The following DLGAP1 variants were observed in gnomAD, a reference collection of about 807,000 sequenced individuals.
The protein encoded by DLGAP1 is DLG associated protein 1.
In DLGAP1, 11 loss-of-function variants were observed where a neutral mutation model predicts 90.8. The observed-to-expected ratio is 0.12, with a 90% CI of 0.08 to 0.20. The LOEUF (loss-of-function observed/expected upper bound fraction) is 0.20, where lower values mean the gene tolerates loss of function less well. DLGAP1 is among the 10% of genes least tolerant of loss of function. The pLI is 1.00. For synonymous variants in DLGAP1, 558 were observed against 540.7 expected (o/e 1.03, Z -0.44); for missense variants, 1,050 against 1,333.8 (o/e 0.79, Z 3.31).
chr18:3,695,971 G>A (rs554573142), intron 7 of DLGAP1, among the ~76,000 whole-genome samples: 2 of 152,306 alleles, frequency 1.3e-5, no homozygotes, highest in South Asian at 2.1e-4. Flanking sequence ...AATTGTGAAT[G>A]AGAGTTCACT....
Position 4,113,080 on chromosome 18 carries a change from G to A in DLGAP1, c.-159+38100C>T, listed in dbSNP as rs201373546. On this transcript the variant is annotated intron_variant, in intron 2 of 12. Transcript: ENST00000315677. ...AGTGTTGTGATGAACATATGAACACGTGTCTTTTTAGTAGAACAATTTATT... is the reference window on the plus strand; with the variant it reads ...AGTGTTGTGATGAACATATGAACACATGTCTTTTTAGTAGAACAATTTATT... 2.7e-4 allele frequency among the ~76,000 whole-genome samples: 11 copies of A among 41,116 alleles called. No homozygotes were observed. The Middle Eastern group carries it at 0.047, about 174-fold the overall frequency. The allele number at this position is 41,116 out of a possible 152,430, so 27.0% of individuals were successfully genotyped here. A position where few individuals can be genotyped will look rare whatever the true frequency, so the allele number is the denominator to read the frequency against.
At chr18:3,932,117 T>G (rs1357876853) in intron 3 of DLGAP1, among the ~76,000 whole-genome samples, 1 of 152,078 alleles carries the variant, frequency 6.6e-6, no homozygotes, top group Non-Finnish European at 1.5e-5. Flanking sequence ...TACTTAAGCA[T>G]CCTAATAAGG....
At chr18:3,519,765 T>C (rs992776676) in intron 10 of DLGAP1, among the ~76,000 whole-genome samples, 2 of 152,168 alleles carry the variant, frequency 1.3e-5, no homozygotes, top group Admixed American at 6.5e-5. Flanking sequence ...CTCTGGAGGA[T>C]GCAGCAACAG....
intron 4 of DLGAP1, among the ~76,000 whole-genome samples, chr18:3,815,284 G>A (rs2067046482): frequency 6.6e-6 from 1 of 152,124 alleles, no homozygotes; most frequent in Non-Finnish European, 1.5e-5. Context: ...TATTCTTTCT[G>A]AATCTTTCTT....
intron 11 of DLGAP1, among the ~76,000 whole-genome samples, chr18:3,503,453 A>C (rs2050052385): frequency 6.6e-6 from 1 of 152,208 alleles, no homozygotes; most frequent in African/African-American, 2.4e-5. Context: ...ATATGCCCTA[A>C]GACAGGAAAA....
chr18:3,806,327 C>A (rs1390467282), intron 5 of DLGAP1, among the ~76,000 whole-genome samples: 3 of 152,224 alleles, frequency 2.0e-5, no homozygotes, highest in African/African-American at 7.2e-5. Flanking sequence ...AATTTTAACA[C>A]CGCCAGCCTC....
chr18:3,826,661 G>T (rs1813068613), intron 4 of DLGAP1, among the ~76,000 whole-genome samples: 1 of 152,198 alleles, frequency 6.6e-6, no homozygotes, highest in Non-Finnish European at 1.5e-5. Context: ...GAGTGTGGGG[G>T]TCCATTTCAG....
At chr18:3,600,731 T>TATATAG (rs1555695365) in intron 7 of DLGAP1, among the ~76,000 whole-genome samples, 595 of 37,726 alleles carry the variant, frequency 0.016, 108 homozygotes, top group African/African-American at 0.062. Context: ...GAGATATAGA[T>TATATAG]ATATATAGAT....
At chr18:3,754,353 C>G (rs955060260) in intron 5 of DLGAP1, among the ~76,000 whole-genome samples, 1 of 152,054 alleles carries the variant, frequency 6.6e-6, no homozygotes, top group Non-Finnish European at 1.5e-5. Context: ...ACAGTTGACC[C>G]TTGAACAACA....
chr18:3,710,599 T>C (rs1221263004), intron 7 of DLGAP1, among the ~76,000 whole-genome samples: 4 of 152,248 alleles, frequency 2.6e-5, no homozygotes, highest in Non-Finnish European at 5.9e-5. Flanking sequence ...ACTATAGATG[T>C]CACTGTTCTA....
intron 3 of DLGAP1, among the ~76,000 whole-genome samples, chr18:3,976,629 G>T (rs1350798254): frequency 6.6e-6 from 1 of 151,910 alleles, no homozygotes; most frequent in Non-Finnish European, 1.5e-5. Flanking sequence ...ATTTCTTTTT[G>T]ATTTGGAAAA....
At chr18:4,432,589 A>AGTGTGTGTGTGTAT (rs779917667) in intron 1 of DLGAP1, among the ~76,000 whole-genome samples, 2,898 of 111,452 alleles carry the variant, frequency 0.026, 82 homozygotes, top group African/African-American at 0.069. Context: ...CACCTCACAT[A>AGTGTGTGTGTGTAT]GTGTGTGTGT....
At chr18:4,343,660 G>C (rs933409740) in intron 1 of DLGAP1, among the ~76,000 whole-genome samples, 1 of 151,870 alleles carries the variant, frequency 6.6e-6, no homozygotes, top group African/African-American at 2.4e-5. Flanking sequence ...GGGGTCGGGG[G>C]CTAGGGGAGG....
At chr18:3,757,238 T>A (rs1465145612) in intron 5 of DLGAP1, among the ~76,000 whole-genome samples, 1 of 151,994 alleles carries the variant, frequency 6.6e-6, no homozygotes, top group Non-Finnish European at 1.5e-5. Context: ...CGAAACCCCA[T>A]CTCTACTAAA....
intron 2 of DLGAP1, among the ~76,000 whole-genome samples, chr18:4,035,616 G>C (rs2074875655): frequency 6.6e-6 from 1 of 152,158 alleles, no homozygotes; most frequent in Non-Finnish European, 1.5e-5. Flanking sequence ...TAGGTTCTGA[G>C]CTTTAGGAAT....
chr18:4,261,550 C>T (rs1381822733), intron 1 of DLGAP1, among the ~76,000 whole-genome samples: 4 of 152,144 alleles, frequency 2.6e-5, no homozygotes, highest in Non-Finnish European at 5.9e-5. Flanking sequence ...CTCTAGAAAA[C>T]ATTTTGTGAC....
chr18:4,347,393 A>G (rs1338389356), intron 1 of DLGAP1, among the ~76,000 whole-genome samples: 2 of 152,128 alleles, frequency 1.3e-5, no homozygotes, highest in Non-Finnish European at 2.9e-5. Context: ...CTTTGTTCAA[A>G]AGAAAATAAA....
At chr18:4,045,141 C>T (rs935641708) in intron 2 of DLGAP1, among the ~76,000 whole-genome samples, 3 of 152,154 alleles carry the variant, frequency 2.0e-5, no homozygotes, top group East Asian at 1.9e-4. Context: ...CAGTCCTCCA[C>T]GCCGAGCCAC....
chr18:4,062,222 A>G (rs983894300), intron 2 of DLGAP1, among the ~76,000 whole-genome samples: 2 of 152,272 alleles, frequency 1.3e-5, no homozygotes, highest in Admixed American at 6.5e-5. Context: ...GATTTGCCTA[A>G]GCGCAGTAAG....
Sources: gnomAD v4.1 joint callset for allele counts (sites outside exome capture counted in the v4.1 genomes callset) on GRCh38, gnomAD v4.1.1 for gene constraint, MANE v1.5 for transcripts, NCBI Gene and HGNC (gene_info 2026-07-23, HGNC 2026-07-21) for gene names.